DPY19L3: variants seen among roughly 807,000 people sequenced by gnomAD.
DPY19L3 encodes protein C-mannosyl-transferase DPY19L3.
DPY19L3 carries 51 observed loss-of-function variants against 92.3 expected under a neutral mutation model. The ratio of observed to expected loss-of-function variants is 0.55; its 90% CI spans 0.44 to 0.70. The LOEUF is 0.70. DPY19L3 is among the 30% of genes least tolerant of loss of function. The pLI, the probability that DPY19L3 is intolerant of heterozygous loss-of-function variation, is 0.00. For synonymous variants in DPY19L3, 309 were observed against 315.2 expected (o/e 0.98, Z 0.21); for missense variants, 706 against 855.9 (o/e 0.82, Z 2.18).
At chr19:32,446,921 A>G (rs539269591) in intron 8 of DPY19L3, among the ~76,000 whole-genome samples, 24 of 152,312 alleles carry the variant, frequency 1.6e-4, no homozygotes, top group Middle Eastern at 3.4e-3. Context: ...ATTCTTTTCA[A>G]GCATTCACAG....
chr19:32,452,996 C>A, intron 8 of DPY19L3, 149 bp from the exon 9 acceptor site: 1 of 905,718 alleles, frequency 1.1e-6, no homozygotes, highest in Non-Finnish European at 1.7e-6. Context: ...TGTGAGCCAC[C>A]GCGCCTGGCC....
intron 13 of DPY19L3, 31 bp downstream of exon 13, chr19:32,463,519 T>C (rs1970105961): frequency 6.2e-7 from 1 of 1,603,244 alleles, no homozygotes; most frequent in African/African-American, 1.3e-5. Context: ...TGTTTACTTT[T>C]TATTTGATCA....
intron 3 of DPY19L3, among the ~76,000 whole-genome samples, chr19:32,418,419 A>G (rs964866924): frequency 1.4e-4 from 21 of 152,242 alleles, no homozygotes; most frequent in Non-Finnish European, 2.8e-4. Flanking sequence ...CAGTGTATGC[A>G]CTGTCTAGTA....
rs1443831406 is a variant in DPY19L3, at chr19:32,469,475, G to A, written c.1697+662G>A. Among the ~76,000 whole-genome samples the A allele has an allele frequency of 4.1e-5, 6 of 148,106 alleles. No individual in the cohort carries two copies. The East Asian group carries it at 5.9e-4, about 15-fold the overall frequency. ...CGCGCTACTACACTTCATCCTGGGCGACAGAGCAAGACTCTCTCTAAAAAA... is the reference window on the plus strand; with the variant it reads ...CGCGCTACTACACTTCATCCTGGGCAACAGAGCAAGACTCTCTCTAAAAAA... On this transcript the variant is annotated intron_variant, in intron 16 of 18. Coordinates refer to ENST00000392250, the MANE Select transcript of DPY19L3 (RefSeq NM_001172774.2).
Position 32,457,558 on chromosome 19 carries a change from T to C in DPY19L3, c.1090-542T>C, listed in dbSNP as rs1969904300. On this transcript the variant is annotated intron_variant, in intron 10 of 18. Transcript: ENST00000392250. The stretch of plus-strand genomic sequence containing the variant: ...GGATTTTTAAGCCACAAATTTAAAA[T>C]AGAATTATATGAGTTAAAATTGTAA... 2.0e-5 allele frequency among the ~76,000 whole-genome samples: 3 copies of C among 152,362 alleles called. No individual in the cohort carries two copies. The South Asian group carries it at 6.2e-4, about 32-fold the overall frequency.
intron 4 of DPY19L3, among the ~76,000 whole-genome samples, chr19:32,434,728 T>C (rs1599619226): frequency 6.6e-6 from 1 of 152,194 alleles, no homozygotes; most frequent in African/African-American, 2.4e-5. Flanking sequence ...AGAAATTTAT[T>C]TTCTCACAAT....
At chr19:32,475,244 A>G (rs1470670120) in intron 16 of DPY19L3, among the ~76,000 whole-genome samples, 1 of 152,232 alleles carries the variant, frequency 6.6e-6, no homozygotes. Flanking sequence ...TGTGATTGGA[A>G]TGGATGTTGG....
At position 32,468,744 on chromosome 19, in the gene DPY19L3, T is replaced by C. The variant is rs752255421; in HGVS notation, c.1628T>C (p.Met543Thr). The change falls in exon 16 of 19, where the codon ATG becomes ACG. Residue 543 changes from methionine to threonine, a missense_variant. Transcript: ENST00000392250. The stretch of plus-strand genomic sequence containing the variant: ...TTTTAATTTCAGTTCTGGCCAGGAA[T>C]GATGGATGAACTCTCCGAGTTGAGA... Reference protein sequence around the residue: ...LYLCYKFWPGMMDELSELREF... With the variant: ...LYLCYKFWPGTMDELSELREF... 10 of 1,614,010 alleles carry C rather than the reference T, an allele frequency of 6.2e-6. No individual in the cohort carries two copies. The highest frequency in any genetic ancestry group is 8.5e-6 in the Non-Finnish European group (10 of 1,179,948).
chr19:32,412,257 T>C (rs1025584493), intron 3 of DPY19L3: 1 of 152,172 alleles, frequency 6.6e-6, no homozygotes, highest in Non-Finnish European at 1.5e-5. Flanking sequence ...TTTCAAGTTA[T>C]AGATTGTGAA....
At chr19:32,415,749 CCAGA>C (rs1568324438) in intron 3 of DPY19L3, among the ~76,000 whole-genome samples, 1 of 151,976 alleles carries the variant, frequency 6.6e-6, no homozygotes, top group Non-Finnish European at 1.5e-5. Context: ...CTTCTGTATG[CCAGA>C]CACTTTTCTA....
chr19:32,407,375 T>C (rs762588872), intron 1 of DPY19L3, among the ~76,000 whole-genome samples: 1 of 150,438 alleles, frequency 6.6e-6, no homozygotes, highest in Non-Finnish European at 1.5e-5. Flanking sequence ...CCAGTGTGAA[T>C]TGTTTTATAG....
At position 32,458,347 on chromosome 19, in the gene DPY19L3, C is replaced by T. The variant is rs1208055896; in HGVS notation, c.1164-4C>T. On this transcript the variant is annotated splice_region_variant and splice_polypyrimidine_tract_variant and intron_variant, in intron 11 of 18. Transcript: ENST00000392250. ...TAATACTTTGCTTTCCATTTGTTCC[C>T]TAGGGATTTTGATGCAAATCTCTAT... 2 of 1,609,706 alleles carry T rather than the reference C, an allele frequency of 1.2e-6. No homozygotes were observed. The highest frequency in any genetic ancestry group is 1.7e-5 in the Admixed American group (1 of 59,030).
In DPY19L3 at chr19:32,458,456, C is replaced by T. The variant is rs754823147; in HGVS notation, c.1269C>T (p.Phe423=). The change falls in exon 12 of 19, where the codon TTC becomes TTT. Residue 423 remains phenylalanine, a synonymous_variant. Coordinates refer to ENST00000392250, the MANE Select transcript of DPY19L3 (RefSeq NM_001172774.2). ...SDTLLFYAYI[F]VLSITVIVAF... Reference sequence around the variant, plus strand: ...CTCTGCTTTTTTATGCTTACATATTCGTTCTGTCCATCACAGTGATTGTAG... The same window carrying T: ...CTCTGCTTTTTTATGCTTACATATTTGTTCTGTCCATCACAGTGATTGTAG... 7.4e-5 allele frequency: 119 copies of T among 1,613,666 alleles called. No individual in the cohort carries two copies. Among genetic ancestry groups the T allele is most frequent in the Non-Finnish European group, 8.6e-5 (101 of 1,179,974 alleles).
intron 15 of DPY19L3, among the ~76,000 whole-genome samples, chr19:32,466,357 T>A (rs1027728146): frequency 6.6e-6 from 1 of 152,170 alleles, no homozygotes; most frequent in Admixed American, 6.5e-5. Context: ...GAAATAGGCA[T>A]TTAACCAGCC....
chr19:32,447,225 G>A (rs1301735299), intron 8 of DPY19L3, among the ~76,000 whole-genome samples: 1 of 152,194 alleles, frequency 6.6e-6, no homozygotes, highest in African/African-American at 2.4e-5. Flanking sequence ...GTTTAAATTT[G>A]TGGGACACAT....
intron 16 of DPY19L3, 44 bp from the exon 17 acceptor site, chr19:32,477,478 G>T (rs775974340): frequency 1.2e-6 from 2 of 1,609,824 alleles, no homozygotes; most frequent in African/African-American, 2.7e-5. Flanking sequence ...TGTCTTTAAG[G>T]ATCTCTTAAC....
intron 3 of DPY19L3, among the ~76,000 whole-genome samples, chr19:32,429,039 G>A (rs1405103779): frequency 6.6e-6 from 1 of 151,978 alleles, no homozygotes; most frequent in Non-Finnish European, 1.5e-5. Context: ...AGTAGAGACG[G>A]GGTTTCACCA....
chr19:32,425,506 G>GC (rs762276656), intron 3 of DPY19L3, among the ~76,000 whole-genome samples: 3 of 151,822 alleles, frequency 2.0e-5, no homozygotes, highest in Non-Finnish European at 4.4e-5. Flanking sequence ...AGCTGAGATG[G>GC]CGCCACTGTG....
At chr19:32,446,431 G>A (rs1969501817) in intron 8 of DPY19L3, among the ~76,000 whole-genome samples, 1 of 152,026 alleles carries the variant, frequency 6.6e-6, no homozygotes, top group South Asian at 2.1e-4. Flanking sequence ...TTAAAGAGAT[G>A]GCAGGGTGGA....
Sources: gnomAD v4.1 joint callset for allele counts (sites outside exome capture counted in the v4.1 genomes callset) on GRCh38, gnomAD v4.1.1 for gene constraint, MANE v1.5 for transcripts, NCBI Gene and HGNC (gene_info 2026-07-23, HGNC 2026-07-21) for gene names.